The following ACTR3C variants were observed in gnomAD, a reference collection of about 807,000 sequenced individuals.
ACTR3C encodes the protein actin-related protein 3C.
Under a neutral mutation model 26.3 loss-of-function variants are expected in ACTR3C, and 18 were observed. The ratio of observed to expected loss-of-function variants is 0.68; its 90% CI spans 0.47 to 1.01. ACTR3C has a LOEUF of 1.01. Ranked by LOEUF, ACTR3C falls within the 50% of genes least tolerant of loss-of-function variation. ACTR3C has a pLI of 0.00. For missense variants in ACTR3C, 184 were observed against 250.7 expected (o/e 0.73, Z 1.80); for synonymous variants, 55 against 94.5 (o/e 0.58, Z 2.42).
chr7:150,083,796 G>A, the ACTR3C span, among the ~76,000 whole-genome samples: 1 of 152,084 alleles, frequency 6.6e-6, no homozygotes, highest in Admixed American at 6.5e-5. Context: ...CCTCCATACT[G>A]CTGTTTTCTC....
the ACTR3C span, among the ~76,000 whole-genome samples, chr7:150,008,085 C>T: frequency 2.0e-5 from 3 of 152,296 alleles, no homozygotes; most frequent in South Asian, 2.1e-4. Flanking sequence ...CCTGGAGACT[C>T]GCATTCCACG....
chr7:150,310,402 C>G (rs1183500204), intron 1 of ACTR3C, among the ~76,000 whole-genome samples: 1 of 152,156 alleles, frequency 6.6e-6, no homozygotes, highest in Non-Finnish European at 1.5e-5. Flanking sequence ...TACAGCATGG[C>G]CTTTTAAAGC....
At chr7:150,117,329 C>T in the ACTR3C span, among the ~76,000 whole-genome samples, 1 of 152,232 alleles carries the variant, frequency 6.6e-6, no homozygotes, top group Non-Finnish European at 1.5e-5. Flanking sequence ...CTAAGATCTA[C>T]TGGCTTAAAG....
the ACTR3C span, among the ~76,000 whole-genome samples, chr7:150,006,414 G>A: frequency 1.4e-5 from 2 of 147,408 alleles, no homozygotes; most frequent in Non-Finnish European, 3.0e-5. Flanking sequence ...AGCCAGGATG[G>A]TCTCGATCTC....
chr7:150,234,686 G>A, the ACTR3C span, among the ~76,000 whole-genome samples: 4 of 152,130 alleles, frequency 2.6e-5, no homozygotes, highest in Non-Finnish European at 4.4e-5. Context: ...ATCTATCTTT[G>A]CAGATTTCTG....
chr7:150,143,410 A>G, the ACTR3C span, among the ~76,000 whole-genome samples: 2 of 152,210 alleles, frequency 1.3e-5, no homozygotes, highest in South Asian at 4.1e-4. Context: ...GTGAAAACAG[A>G]CATAATTATT....
chr7:150,251,568 A>G (rs1832857015), intron 6 of ACTR3C, among the ~76,000 whole-genome samples: 1 of 152,152 alleles, frequency 6.6e-6, no homozygotes, highest in Non-Finnish European at 1.5e-5. Flanking sequence ...CTAAAAACCT[A>G]AAGATTGATG....
chr7:149,995,867 C>T, the ACTR3C span, among the ~76,000 whole-genome samples: 4 of 152,230 alleles, frequency 2.6e-5, no homozygotes, highest in South Asian at 4.1e-4. Context: ...GGGGTCTTGA[C>T]GAGGAAGGGA....
At chr7:150,185,374 T>C in the ACTR3C span, among the ~76,000 whole-genome samples, 1 of 152,198 alleles carries the variant, frequency 6.6e-6, no homozygotes, top group African/African-American at 2.4e-5. Flanking sequence ...TAGAAGTTTA[T>C]AAATTTAAAA....
chr7:150,047,540 C>T, the ACTR3C span: 8 of 773,772 alleles, frequency 1.0e-5, no homozygotes, highest in Non-Finnish European at 1.3e-5. Flanking sequence ...ATGCCCCCGG[C>T]CGACGCGTCT....
At chr7:149,892,997 T>C in the ACTR3C span, among the ~76,000 whole-genome samples, 2 of 152,082 alleles carry the variant, frequency 1.3e-5, no homozygotes, top group African/African-American at 4.8e-5. Context: ...GGCTTTATAA[T>C]TCATTATTTT....
the ACTR3C span, among the ~76,000 whole-genome samples, chr7:150,226,761 TC>T: frequency 3.3e-5 from 5 of 152,110 alleles, no homozygotes; most frequent in Admixed American, 6.5e-5. Context: ...AATTTGAAAA[TC>T]CCTAGTCACC....
chr7:150,259,130 A>G (rs1239368606), intron 6 of ACTR3C, among the ~76,000 whole-genome samples: 1 of 151,822 alleles, frequency 6.6e-6, no homozygotes, highest in Non-Finnish European at 1.5e-5. Context: ...TCCTACTTTA[A>G]TTTTCCCTAA....
chr7:150,267,533 C>T (rs1834132529), intron 6 of ACTR3C, among the ~76,000 whole-genome samples: 1 of 152,148 alleles, frequency 6.6e-6, no homozygotes, highest in Non-Finnish European at 1.5e-5. Context: ...GTTCAGGTGA[C>T]CTTCCCTTTA....
the ACTR3C span, among the ~76,000 whole-genome samples, chr7:150,043,024 A>G: frequency 6.6e-6 from 1 of 150,922 alleles, no homozygotes; most frequent in African/African-American, 2.5e-5. Context: ...CTAATACTGC[A>G]AAGTTTGGGA....
chr7:149,890,072 C>T, the ACTR3C span, among the ~76,000 whole-genome samples: 4 of 152,152 alleles, frequency 2.6e-5, no homozygotes, highest in Non-Finnish European at 5.9e-5. Context: ...ATTCCAATAA[C>T]TATTAGCCTT....
At chr7:150,287,640 G>A (rs1835897529) in intron 4 of ACTR3C, among the ~76,000 whole-genome samples, 1 of 152,098 alleles carries the variant, frequency 6.6e-6, no homozygotes, top group African/African-American at 2.4e-5. Flanking sequence ...CGCTCTCGTG[G>A]TATTAAGTTT....
chr7:150,037,612 A>G, the ACTR3C span, among the ~76,000 whole-genome samples: 1 of 76,520 alleles, frequency 1.3e-5, no homozygotes, highest in Non-Finnish European at 2.6e-5. Flanking sequence ...AATCCCACGT[A>G]AGGTACCTGC....
chr7:149,946,253 C>G, the ACTR3C span, among the ~76,000 whole-genome samples: 49 of 152,186 alleles, frequency 3.2e-4, no homozygotes, highest in Non-Finnish European at 6.5e-4. Flanking sequence ...TTACTGGAAG[C>G]CATCCTAGGT....
Sources: gnomAD v4.1 joint callset for allele counts (sites outside exome capture counted in the v4.1 genomes callset) on GRCh38, gnomAD v4.1.1 for gene constraint, MANE v1.5 for transcripts, NCBI Gene and HGNC (gene_info 2026-07-23, HGNC 2026-07-21) for gene names.